KRT84: variants seen among roughly 807,000 people sequenced by gnomAD.
KRT84 encodes the protein keratin 84.
Under a neutral mutation model 49.0 loss-of-function variants are expected in KRT84, and 38 were observed. The ratio of observed to expected loss-of-function variants is 0.78; its 90% CI spans 0.60 to 1.02. The LOEUF (loss-of-function observed/expected upper bound fraction) is 1.02, where lower values mean the gene tolerates loss of function less well. KRT84 is among the 50% of genes least tolerant of loss of function. The pLI, the probability that KRT84 is intolerant of heterozygous loss-of-function variation, is 0.00. For synonymous variants in KRT84, 334 were observed against 312.8 expected, an observed-to-expected ratio of 1.07 and a Z score of -0.72; for missense variants, 860 against 788.6, an observed-to-expected ratio of 1.09 and a Z score of -1.08.
intron 4 of KRT84, 99 bp downstream of exon 4, chr12:52,382,338 T>C (rs1939496950): frequency 3.8e-6 from 3 of 780,340 alleles, no homozygotes; most frequent in South Asian, 1.6e-5. Context: ...AGATATATGA[T>C]AGCAAATGTT....
At chr12:52,383,461 C>A in intron 2 of KRT84, 129 bp downstream of exon 2, 1 of 632,766 alleles carries the variant, frequency 1.6e-6, no homozygotes, top group Admixed American at 3.1e-5. Context: ...CCACCCCCAC[C>A]TCCCCAGGCT....
chr12:52,385,139 G>A lies in KRT84; in HGVS notation c.447C>T (p.Pro149=). Residue 149 remains proline, a synonymous_variant, in exon 1 of 9, where the codon CCC becomes CCT. Coordinates refer to ENST00000257951, the MANE Select transcript of KRT84 (RefSeq NM_033045.4). ...AVTVNKSLLT[P]LNLEIDPNAQ... ...CATTGGGGTCAATCTCCAGGTTGAG[G>A]GGGGTCAGTAGGCTCTTGTTCACAG... 1 of 1,598,804 alleles carries A rather than the reference G, an allele frequency of 6.3e-7. No homozygotes were observed. The highest frequency in any genetic ancestry group is 8.5e-7 in the Non-Finnish European group (1 of 1,171,680).
At chr12:52,385,682 A>T (rs574822212), upstream of KRT84, 169 of 1,172,372 alleles carry the variant, frequency 1.4e-4, no homozygotes, top group East Asian at 4.0e-3. Context: ...CACCCCTTTT[A>T]TGTGTGTGGT....
Position 52,380,483 on chromosome 12 carries a change from T to G in KRT84, c.1304A>C (p.Gln435Pro). 1 of 1,613,966 alleles carries G rather than the reference T, an allele frequency of 6.2e-7. No individual in the cohort carries two copies. The highest frequency in any genetic ancestry group is 8.5e-7 in the Non-Finnish European group (1 of 1,179,814). Reference protein sequence around the residue: ...CKLADLECALQQAKQDMARQL... With the variant: ...CKLADLECALPQAKQDMARQL... ...CCGCGCCATGTCCTGCTTGGCCTGC[T>G]GCAGGGCACACTCCAGATCTGCCAG... is the stretch of plus-strand genomic sequence containing the variant. Residue 435 changes from glutamine (Q) to proline (P), a missense_variant, in exon 7 of 9, where the codon CAG becomes CCG. Physicochemically the swap from Gln to Pro is moderately conservative, Grantham distance 76. Transcript: ENST00000257951.
chr12:52,381,267 G>A lies in KRT84; in HGVS notation c.1078-62C>T. On this transcript the variant is annotated intron_variant, in intron 5 of 8. Coordinates refer to ENST00000257951, the MANE Select transcript of KRT84 (RefSeq NM_033045.4). Reference sequence around the variant, plus strand: ...TCAGGTCAGGATCACAGCCCCCACTGAGTTGGGGGCTTCAAACCTCCCTGG... The same window carrying A: ...TCAGGTCAGGATCACAGCCCCCACTAAGTTGGGGGCTTCAAACCTCCCTGG... The A allele has an allele frequency of 3.1e-6, 5 of 1,609,272 alleles. No individual in the cohort carries two copies. The South Asian group carries it at 4.4e-5, about 14-fold the overall frequency.
Position 52,385,052 on chromosome 12 carries a change from G to A in KRT84, c.534C>T (p.Ser178=), listed in dbSNP as rs772317331. 2.5e-6 allele frequency: 4 copies of A among 1,607,034 alleles called. No individual in the cohort carries two copies. Among genetic ancestry groups the A allele is most frequent in the Admixed American group, 1.7e-5 (1 of 59,362 alleles). Residue 178 remains serine, a synonymous_variant, in exon 1 of 9, where the codon TCC becomes TCT. Transcript: ENST00000257951. The part of the protein sequence containing the change: ...QIKTLNNKFA[S]FIDKVRFLEQ... Reference sequence around the variant, plus strand: ...CTATCATAGGTACCTTGTCAATGAAGGAGGCAAACTTGTTGTTGAGGGTCT... The same window carrying A: ...CTATCATAGGTACCTTGTCAATGAAAGAGGCAAACTTGTTGTTGAGGGTCT...
upstream of KRT84, among the ~76,000 whole-genome samples, chr12:52,386,077 T>G (rs1939569791): frequency 6.6e-6 from 1 of 151,956 alleles, no homozygotes; most frequent in Non-Finnish European, 1.5e-5. Context: ...GAGGTGGGAG[T>G]GTGTGCACAT....
In KRT84 at chr12:52,382,475, T is replaced by C; in HGVS notation, c.874A>G (p.Thr292Ala). Residue 292 changes from threonine to alanine, a missense_variant, in exon 4 of 9, where the codon ACT (threonine) becomes GCT (alanine). Physicochemically the swap from Thr to Ala is moderately conservative, Grantham distance 58 (BLOSUM62 0). Coordinates refer to ENST00000257951, the MANE Select transcript of KRT84 (RefSeq NM_033045.4). The part of the protein sequence containing the change: ...SDLEANVDTL[T>A]QEIDFLKTLY... The stretch of plus-strand genomic sequence containing the variant: ...GTTTTTAGAAAGTCAATTTCCTGAG[T>C]TAGGGTATCCACGTTGGCCTCGAGA... 6.2e-7 allele frequency: 1 copy of C among 1,614,034 alleles called. No homozygotes were observed. The highest frequency in any genetic ancestry group is 8.5e-7 in the Non-Finnish European group (1 of 1,179,948).
rs1613931 is a variant in KRT84, at chr12:52,383,794, C to T, written c.551G>A (p.Arg184Gln). 0.22 allele frequency: 356,857 copies of T among 1,587,978 alleles called. 47,536 individuals are homozygous for T. Among genetic ancestry groups the T allele is most frequent in the African/African-American group, 0.57 (41,743 of 73,326 alleles). The change falls in exon 2 of 9, where the codon CGG (arginine) becomes CAG (glutamine). Residue 184 changes from arginine to glutamine, a missense_variant. Coordinates refer to ENST00000257951, the MANE Select transcript of KRT84 (RefSeq NM_033045.4). ...NKFASFIDKVRFLEQQNKLLE... is the reference protein window; with the variant it reads ...NKFASFIDKVQFLEQQNKLLE... ...GAGCTTATTCTGCTGCTCTAGGAAC[C>T]GAACCTAAATCCACAGGGCACAGAA...
intron 3 of KRT84, 134 bp from the exon 4 acceptor site, chr12:52,382,666 G>T: frequency 1.5e-6 from 1 of 685,886 alleles, no homozygotes; most frequent in Non-Finnish European, 2.5e-6. Context: ...GTGAAGCTCA[G>T]CAACTTTTGC....
Position 52,378,086 on chromosome 12 carries a change from C to G in KRT84, c.1751G>C (p.Ser584Thr), listed in dbSNP as rs746219165. The G allele has an allele frequency of 4.7e-6, 7 of 1,498,696 alleles. No individual in the cohort carries two copies. In the Middle Eastern group the frequency reaches 1.0e-3, roughly 216 times the overall value. 92.8% of individuals were successfully genotyped at this position (1,498,696 alleles called of 1,614,324 possible). The change falls in exon 9 of 9, where the codon AGC (serine) becomes ACC (threonine). Residue 584 changes from serine (S) to threonine (T), a missense_variant. Coordinates refer to ENST00000257951, the MANE Select transcript of KRT84 (RefSeq NM_033045.4). ...GGTGGACACAAAGCGGACGCTGGAG[C>G]TGCGGCCGCCGCTGCAGCTGCTGAA... is the stretch of plus-strand genomic sequence containing the variant. ...GGFSSCSGGR[S>T]SSVRFVSTTT...
intron 3 of KRT84, 30 bp from the exon 4 acceptor site, chr12:52,382,562 A>C: frequency 4.8e-5 from 74 of 1,555,094 alleles, no homozygotes; most frequent in Non-Finnish European, 5.9e-5. Context: ...ATAAATACTC[A>C]TCGCCTGGGC....
chr12:52,378,149 A>G lies in KRT84; in HGVS notation c.1688T>C (p.Val563Ala), dbSNP rs181759156. The change falls in exon 9 of 9, where the codon GTC (valine) becomes GCC (alanine). Residue 563 changes from valine to alanine, a missense_variant. Physicochemically the swap from Val to Ala is moderately conservative, Grantham distance 64. Coordinates refer to ENST00000257951, the MANE Select transcript of KRT84 (RefSeq NM_033045.4). Reference protein sequence around the residue: ...SGSMLISEACVPSVPCPLPTQ... With the variant: ...SGSMLISEACAPSVPCPLPTQ... ...GGGCAGGGGGCAGGGGACGCTGGGGACACAGGCCTCGCTGATGAGCATGGA... is the reference window on the plus strand; with the variant it reads ...GGGCAGGGGGCAGGGGACGCTGGGGGCACAGGCCTCGCTGATGAGCATGGA... The G allele has an allele frequency of 1.3e-6, 2 of 1,574,036 alleles. No homozygotes were observed. Among genetic ancestry groups the G allele is most frequent in the Admixed American group, 3.7e-5 (2 of 54,334 alleles).
Position 52,381,275 on chromosome 12 carries a change from G to T in KRT84, c.1078-70C>A, listed in dbSNP as rs1399949268. 13 of 1,609,430 alleles carry T rather than the reference G, an allele frequency of 8.1e-6. No homozygotes were observed. The East Asian group carries it at 2.9e-4, about 36-fold the overall frequency. On this transcript the variant is annotated intron_variant, in intron 5 of 8. Coordinates refer to ENST00000257951, the MANE Select transcript of KRT84 (RefSeq NM_033045.4). ...GGATCACAGCCCCCACTGAGTTGGG[G>T]GCTTCAAACCTCCCTGGGCCTGATC...
intron 3 of KRT84, 38 bp from the exon 4 acceptor site, chr12:52,382,570 G>C: frequency 6.5e-7 from 1 of 1,532,666 alleles, no homozygotes; most frequent in Non-Finnish European, 9.0e-7. Flanking sequence ...TCATCGCCTG[G>C]GCACTGTTTC....
chr12:52,383,129 C>T lies in KRT84; in HGVS notation c.756-64G>A, dbSNP rs192155712. ...ACTGAGAGGCAGTTACTCCCAACTC[C>T]CCAGTGAACCTTGCAAGATCTCTCA... is the stretch of plus-strand genomic sequence containing the variant. On this transcript the variant is annotated intron_variant, in intron 2 of 8. Transcript: ENST00000257951. 1.1e-5 allele frequency: 15 copies of T among 1,319,192 alleles called. No homozygotes were observed. In the Admixed American group the frequency reaches 1.2e-4, roughly 10 times the overall value. 81.7% of individuals were successfully genotyped at this position (1,319,192 alleles called of 1,614,324 possible).
At chr12:52,380,699 C>A in intron 6 of KRT84, 116 bp from the exon 7 acceptor site, 1 of 1,085,622 alleles carries the variant, frequency 9.2e-7, no homozygotes, top group Non-Finnish European at 1.3e-6. Flanking sequence ...CAGGGATGGA[C>A]CCCATGGTGG....
At chr12:52,386,922 T>C (rs1417147650), upstream of KRT84, among the ~76,000 whole-genome samples, 1 of 152,200 alleles carries the variant, frequency 6.6e-6, no homozygotes, top group African/African-American at 2.4e-5. Context: ...GAAGGGGATG[T>C]ATGCTTTTGA....
In KRT84 at chr12:52,381,365, G is replaced by T. The variant is rs1285431334; in HGVS notation, c.1073C>A (p.Thr358Asn). 20 of 1,614,126 alleles carry T rather than the reference G, an allele frequency of 1.2e-5. No homozygotes were observed. The highest frequency in any genetic ancestry group is 1.7e-5 in the Non-Finnish European group (20 of 1,180,034). ...SRADAEAWYQ[T>N]KYEEMQVTAG... ...TCCCCAGCCTCCACTGCCCACCTTG[G>T]TCTGGTACCAGGCCTCAGCATCAGC... The change falls in exon 5 of 9, where the codon ACC becomes AAC. Residue 358 changes from threonine to asparagine, a missense_variant. By Grantham distance (65) the Thr-to-Asn change is moderately conservative. Coordinates refer to ENST00000257951, the MANE Select transcript of KRT84 (RefSeq NM_033045.4).
Sources: gnomAD v4.1 joint callset for allele counts (sites outside exome capture counted in the v4.1 genomes callset) on GRCh38, gnomAD v4.1.1 for gene constraint, MANE v1.5 for transcripts, NCBI Gene and HGNC (gene_info 2026-07-23, HGNC 2026-07-21) for gene names.